The following RGS7 variants were observed in gnomAD, a reference collection of about 807,000 sequenced individuals.
The protein encoded by RGS7 is regulator of G protein signaling 7.
RGS7 carries 27 observed loss-of-function variants against 81.1 expected under a neutral mutation model. The observed-to-expected ratio is 0.33, with a 90% CI of 0.25 to 0.46. The LOEUF is 0.46. RGS7 is among the 20% of genes least tolerant of loss of function. The pLI, the probability that RGS7 is intolerant of heterozygous loss-of-function variation, is 1.00. For missense variants in RGS7, 396 were observed against 607.4 expected, an observed-to-expected ratio of 0.65 and a Z score of 3.66; for synonymous variants, 208 against 207.7, an observed-to-expected ratio of 1.00 and a Z score of -0.01.
chr1:240,787,942 A>G (rs1685341318), intron 18 of RGS7, among the ~76,000 whole-genome samples: 1 of 152,200 alleles, frequency 6.6e-6, no homozygotes, highest in South Asian at 2.1e-4. Flanking sequence ...TTAGATTTTA[A>G]AAGTTATAAT....
intron 4 of RGS7, among the ~76,000 whole-genome samples, chr1:240,953,921 A>C (rs552909089): frequency 2.6e-5 from 4 of 152,160 alleles, no homozygotes; most frequent in Non-Finnish European, 4.4e-5. Flanking sequence ...GAGAGTGGTC[A>C]TCATTAAGGA....
At chr1:240,800,415 TAG>T (rs1687839789) in intron 18 of RGS7, among the ~76,000 whole-genome samples, 1 of 152,146 alleles carries the variant, frequency 6.6e-6, no homozygotes, top group East Asian at 1.9e-4. Context: ...AATTCACAAG[TAG>T]AAATGAGTAA....
intron 6 of RGS7, among the ~76,000 whole-genome samples, chr1:240,926,670 C>T (rs1388326120): frequency 6.6e-6 from 1 of 152,166 alleles, no homozygotes; most frequent in Non-Finnish European, 1.5e-5. Context: ...GTGCCTTTGT[C>T]TCGAGCCCAC....
At chr1:241,092,631 A>G (rs1374060300) in intron 3 of RGS7, among the ~76,000 whole-genome samples, 1 of 152,178 alleles carries the variant, frequency 6.6e-6, no homozygotes, top group Non-Finnish European at 1.5e-5. Context: ...ACTCTCATGG[A>G]ATAATATTTG....
At chr1:241,307,487 G>A (rs939182386) in intron 2 of RGS7, among the ~76,000 whole-genome samples, 1 of 152,112 alleles carries the variant, frequency 6.6e-6, no homozygotes, top group Non-Finnish European at 1.5e-5. Context: ...TTAATTCACT[G>A]AGCGATCTCA....
At chr1:241,350,011 A>G (rs2083137284) in intron 2 of RGS7, among the ~76,000 whole-genome samples, 1 of 152,158 alleles carries the variant, frequency 6.6e-6, no homozygotes, top group Non-Finnish European at 1.5e-5. Flanking sequence ...CCTCTGATCA[A>G]TTAGATTCAG....
intron 3 of RGS7, among the ~76,000 whole-genome samples, chr1:241,012,050 T>C (rs568118756): frequency 6.6e-6 from 1 of 152,274 alleles, no homozygotes; most frequent in South Asian, 2.1e-4. Flanking sequence ...GAACCCTTTC[T>C]TGGGGTCTGG....
At position 241,357,040 on chromosome 1, in the gene RGS7, G is replaced by A. The variant is rs1408018497; in HGVS notation, c.-192C>T. On this transcript the variant is annotated 5_prime_UTR_variant, in exon 1 of 19. Transcript: ENST00000440928. Reference sequence around the variant, plus strand: ...GCGGATGCGGATTCCGCGCCGCCCCGGCTCTAGCTGCTCAGGCGACCGCCA... The same window carrying A: ...GCGGATGCGGATTCCGCGCCGCCCCAGCTCTAGCTGCTCAGGCGACCGCCA... The A allele has an allele frequency of 2.6e-5, 4 of 152,128 alleles. No homozygotes were observed. Among genetic ancestry groups the A allele is most frequent in the South Asian group, 2.1e-4 (1 of 4,830 alleles). 9.4% of individuals were successfully genotyped at this position (152,128 alleles called of 1,614,324 possible).
chr1:241,281,178 T>C (rs2078485707), intron 2 of RGS7, among the ~76,000 whole-genome samples: 1 of 152,234 alleles, frequency 6.6e-6, no homozygotes, highest in African/African-American at 2.4e-5. Context: ...TATCAAAATT[T>C]GCCCACACAA....
intron 3 of RGS7, among the ~76,000 whole-genome samples, chr1:241,095,287 A>G (rs2064172029): frequency 6.6e-6 from 1 of 152,150 alleles, no homozygotes; most frequent in Non-Finnish European, 1.5e-5. Flanking sequence ...CAGATACTAT[A>G]TTTTCTTTTA....
intron 2 of RGS7, among the ~76,000 whole-genome samples, chr1:241,149,335 G>A (rs2068583803): frequency 6.6e-6 from 1 of 152,062 alleles, no homozygotes; most frequent in Non-Finnish European, 1.5e-5. Context: ...CCCAGATAAT[G>A]TTTTTGCATT....
intron 2 of RGS7, among the ~76,000 whole-genome samples, chr1:241,155,970 G>T (rs1482485672): frequency 6.6e-6 from 1 of 151,916 alleles, no homozygotes; most frequent in Admixed American, 6.6e-5. Context: ...CTACCACAGG[G>T]ATTATGATTC....
intron 2 of RGS7, among the ~76,000 whole-genome samples, chr1:241,192,832 A>T (rs1050340136): frequency 1.2e-4 from 19 of 152,198 alleles, no homozygotes; most frequent in African/African-American, 4.6e-4. Context: ...GGAAAATCCA[A>T]GGGCTGAATT....
intron 9 of RGS7, among the ~76,000 whole-genome samples, chr1:240,828,461 C>T (rs1484146956): frequency 6.6e-6 from 1 of 152,188 alleles, no homozygotes; most frequent in African/African-American, 2.4e-5. Flanking sequence ...GTTTCCTTTA[C>T]TTTTGGTGCA....
intron 2 of RGS7, among the ~76,000 whole-genome samples, chr1:241,344,796 C>T (rs1481084576): frequency 2.0e-5 from 3 of 152,164 alleles, no homozygotes; most frequent in African/African-American, 7.2e-5. Flanking sequence ...TGAGGAGTTT[C>T]AACATTAGCT....
At chr1:241,105,310 T>C (rs888134466) in intron 2 of RGS7, among the ~76,000 whole-genome samples, 2 of 152,338 alleles carry the variant, frequency 1.3e-5, no homozygotes, top group Admixed American at 6.5e-5. Flanking sequence ...CATTGCCATG[T>C]GTAAGCCCTC....
chr1:241,343,094 C>T (rs541570488), intron 2 of RGS7, among the ~76,000 whole-genome samples: 72 of 152,100 alleles, frequency 4.7e-4, no homozygotes, highest in African/African-American at 1.6e-3. Context: ...AACCCCGTCT[C>T]TACTAAAAAT....
intron 6 of RGS7, among the ~76,000 whole-genome samples, chr1:240,926,943 T>A (rs1674546534): frequency 6.6e-6 from 1 of 152,160 alleles, no homozygotes; most frequent in South Asian, 2.1e-4. Context: ...GAAAAAGTAG[T>A]TTTTCATATC....
intron 4 of RGS7, among the ~76,000 whole-genome samples, chr1:240,944,530 T>C (rs887719710): frequency 1.3e-5 from 2 of 151,766 alleles, no homozygotes; most frequent in Non-Finnish European, 2.9e-5. Context: ...TGGAAGAAAG[T>C]AGGGCACTGA....
Sources: allele counts gnomAD v4.1 joint callset (sites outside exome capture counted in the v4.1 genomes callset), GRCh38; gene constraint gnomAD v4.1.1; transcripts MANE v1.5; gene names NCBI Gene and HGNC (gene_info 2026-07-23, HGNC 2026-07-21).